MYOZ2: variants seen among roughly 807,000 people sequenced by gnomAD.
MYOZ2 encodes the protein myozenin-2.
Under a neutral mutation model 25.4 loss-of-function variants are expected in MYOZ2, and 19 were observed. The ratio of observed to expected loss-of-function variants is 0.75; its 90% confidence interval spans 0.52 to 1.10. The LOEUF (loss-of-function observed/expected upper bound fraction) is 1.10, where lower values mean the gene tolerates loss of function less well. Among genes scored for constraint, MYOZ2 ranks in the 50% least tolerant of loss-of-function variants. The pLI is 0.00. For synonymous variants in MYOZ2, 92 were observed against 106.9 expected (o/e 0.86, Z 0.86); for missense variants, 270 against 317.9 (o/e 0.85, Z 1.15).
chr4:119,151,192 G>T (rs1006977268), intron 3 of MYOZ2, 151 bp downstream of exon 3: 8 of 804,450 alleles, frequency 9.9e-6, no homozygotes, highest in Non-Finnish European at 7.8e-6. Context: ...AATAGTTTAG[G>T]TGGGTAAACA....
intron 2 of MYOZ2, among the ~76,000 whole-genome samples, chr4:119,145,574 A>G (rs1365395946): frequency 1.4e-5 from 2 of 147,796 alleles, no homozygotes; most frequent in African/African-American, 2.5e-5. Context: ...TGGTTTCACC[A>G]TGTTGCTCAG....
intron 5 of MYOZ2, among the ~76,000 whole-genome samples, chr4:119,169,894 G>A (rs542398563): frequency 1.2e-4 from 19 of 152,182 alleles, no homozygotes; most frequent in African/African-American, 3.4e-4. Context: ...CAAACTGCCC[G>A]CTCTGACAAA....
intron 5 of MYOZ2, among the ~76,000 whole-genome samples, chr4:119,170,798 A>T (rs1298354907): frequency 6.6e-6 from 1 of 152,236 alleles, no homozygotes; most frequent in Non-Finnish European, 1.5e-5. Flanking sequence ...CAAAATTGAC[A>T]AAAGACATCA....
intron 5 of MYOZ2, among the ~76,000 whole-genome samples, chr4:119,170,772 A>T (rs1015464112): frequency 6.6e-6 from 1 of 152,198 alleles, no homozygotes; most frequent in Non-Finnish European, 1.5e-5. Flanking sequence ...GAAAGAATTC[A>T]TGGCGTAAGA....
intron 4 of MYOZ2, among the ~76,000 whole-genome samples, chr4:119,159,051 C>T (rs1741649071): frequency 6.6e-6 from 1 of 152,066 alleles, no homozygotes; most frequent in Non-Finnish European, 1.5e-5. Flanking sequence ...ATGCTGTTAT[C>T]AAAATATCTA....
chr4:119,136,800 TTCAGAGGA>T (rs1741037085), intron 2 of MYOZ2, among the ~76,000 whole-genome samples, 199 bp downstream of exon 2: 1 of 152,172 alleles, frequency 6.6e-6, no homozygotes, highest in Non-Finnish European at 1.5e-5. Context: ...GGAAGCTATT[TTCAGAGGA>T]ACAACTGCTG....
chr4:119,136,695 A>G, intron 2 of MYOZ2, 94 bp downstream of exon 2: 2 of 1,319,502 alleles, frequency 1.5e-6, no homozygotes, highest in Non-Finnish European at 1.1e-6. Context: ...TACTTCCTTT[A>G]GATTCTTGCT....
Position 119,186,111 on chromosome 4 carries a change from C to T in MYOZ2, c.706C>T (p.Pro236Ser), listed in dbSNP as rs746162581. Residue 236 changes from proline (P) to serine (S), a missense_variant, in exon 6 of 6, where the codon CCT (proline) becomes TCT (serine). Transcript: ENST00000307128. ...TGGCAGACGGTCCTTTAATAGGACTCCTAAGGGATGGATATCTGAGAATAT... is the reference window on the plus strand; with the variant it reads ...TGGCAGACGGTCCTTTAATAGGACTTCTAAGGGATGGATATCTGAGAATAT... ...LSGRRSFNRT[P>S]KGWISENIPI... 7 of 1,613,702 alleles carry T rather than the reference C, an allele frequency of 4.3e-6. No homozygotes were observed. In the East Asian group the frequency reaches 1.6e-4, roughly 36 times the overall value.
chr4:119,170,916 C>T (rs550805199), intron 5 of MYOZ2, among the ~76,000 whole-genome samples: 12 of 151,940 alleles, frequency 7.9e-5, no homozygotes, highest in East Asian at 5.8e-4. Context: ...AATCTTAAAG[C>T]GAAGGAATAA....
chr4:119,152,997 G>C (rs1048217711), intron 3 of MYOZ2, among the ~76,000 whole-genome samples: 1 of 151,486 alleles, frequency 6.6e-6, no homozygotes, highest in African/African-American at 2.4e-5. Flanking sequence ...GGAATCAGGA[G>C]ACCAAGGTTT....
chr4:119,137,115 T>C (rs1348277770), intron 2 of MYOZ2, among the ~76,000 whole-genome samples: 1 of 152,226 alleles, frequency 6.6e-6, no homozygotes, highest in Non-Finnish European at 1.5e-5. Context: ...ATTTGTTAAT[T>C]GATTTACTAA....
intron 2 of MYOZ2, among the ~76,000 whole-genome samples, chr4:119,145,499 G>A (rs1741267834): frequency 7.7e-6 from 1 of 129,928 alleles, no homozygotes; most frequent in African/African-American, 2.9e-5. Context: ...ACCATGCCCA[G>A]CTAAAACTGT....
Position 119,176,424 on chromosome 4 carries a change from T to C in MYOZ2, c.561-9542T>C, listed in dbSNP as rs186853841. Among the ~76,000 whole-genome samples the C allele has an allele frequency of 1.7e-3, 263 of 152,304 alleles. 2 individuals carry two copies. The East Asian group carries it at 0.025, about 15-fold the overall frequency. ...TTTTAGTAGAGACAGGGTTTCGCCA[T>C]GTTGGCCAGGCTGGTCTTGAGCTCC... On this transcript the variant is annotated intron_variant, in intron 5 of 5. Transcript: ENST00000307128.
At chr4:119,184,547 T>C (rs1742254326) in intron 5 of MYOZ2, among the ~76,000 whole-genome samples, 1 of 152,256 alleles carries the variant, frequency 6.6e-6, no homozygotes, top group African/African-American at 2.4e-5. Flanking sequence ...TTCAATATTA[T>C]AACACCCTAT....
chr4:119,137,689 G>C (rs1419120403), intron 2 of MYOZ2, among the ~76,000 whole-genome samples: 2 of 152,110 alleles, frequency 1.3e-5, no homozygotes, highest in African/African-American at 4.8e-5. Flanking sequence ...ATTCAACTTG[G>C]TTCTCATGTT....
intron 5 of MYOZ2, among the ~76,000 whole-genome samples, chr4:119,185,522 C>A (rs1742273372): frequency 6.6e-6 from 1 of 152,038 alleles, no homozygotes; most frequent in Non-Finnish European, 1.5e-5. Flanking sequence ...GCCATGTTGG[C>A]CAGGCTGATC....
chr4:119,173,795 C>G (rs780764644), intron 5 of MYOZ2, among the ~76,000 whole-genome samples: 5 of 152,134 alleles, frequency 3.3e-5, no homozygotes, highest in Non-Finnish European at 7.4e-5. Flanking sequence ...GGGAGAGGCC[C>G]GAGCGGGAAC....
intron 5 of MYOZ2, among the ~76,000 whole-genome samples, chr4:119,183,404 G>A (rs1380876495): frequency 6.6e-6 from 1 of 151,530 alleles, no homozygotes; most frequent in African/African-American, 2.4e-5. Flanking sequence ...AAATATCAGA[G>A]TACTCCAAGC....
chr4:119,150,384 G>T (rs868393358), intron 2 of MYOZ2, among the ~76,000 whole-genome samples: 2 of 152,068 alleles, frequency 1.3e-5, no homozygotes, highest in South Asian at 2.1e-4. Flanking sequence ...CTTTATGGAG[G>T]TTACTCAGTG....
Sources: gnomAD v4.1 joint callset for allele counts (sites outside exome capture counted in the v4.1 genomes callset) on GRCh38, gnomAD v4.1.1 for gene constraint, MANE v1.5 for transcripts, NCBI Gene and HGNC (gene_info 2026-07-23, HGNC 2026-07-21) for gene names.